Variants in AGO3 observed in about 807,000 individuals in gnomAD.
The protein encoded by AGO3 is argonaute RISC catalytic component 3.
A neutral mutation model predicts 105.5 loss-of-function variants in AGO3; 16 were observed. The observed-to-expected ratio is 0.15, with a 90% CI of 0.10 to 0.23. AGO3 has a LOEUF of 0.23. Among genes scored for constraint, AGO3 ranks in the 10% least tolerant of loss-of-function variants. The pLI, the probability that AGO3 is intolerant of heterozygous loss-of-function variation, is 1.00. For missense variants in AGO3, 534 were observed against 1,088.0 expected, an observed-to-expected ratio of 0.49 and a Z score of 7.16; for synonymous variants, 340 against 367.3, an observed-to-expected ratio of 0.93 and a Z score of 0.85.
chr1:36,022,945 C>CA (rs370799633), intron 11 of AGO3, among the ~76,000 whole-genome samples: 6,459 of 65,950 alleles, frequency 0.098, 499 homozygotes, highest in African/African-American at 0.23. Flanking sequence ...AAAAAAAAAA[C>CA]AAAAAAAAAA....
At chr1:36,020,000 G>T (rs1190543671) in intron 11 of AGO3, among the ~76,000 whole-genome samples, 7 of 152,142 alleles carry the variant, frequency 4.6e-5, no homozygotes, top group African/African-American at 1.7e-4. Context: ...TAAAACTCCT[G>T]ACCTCAGGTG....
chr1:35,973,362 T>C lies in AGO3; in HGVS notation c.522-13T>C. The stretch of plus-strand genomic sequence containing the variant: ...GAAGGAAAGGATTGAACATGCCATT[T>C]TAATTTTTGTAGATACACACCTGTG... On this transcript the variant is annotated splice_polypyrimidine_tract_variant and intron_variant, in intron 4 of 18. Transcript: ENST00000373191. 2 of 1,479,874 alleles carry C rather than the reference T, an allele frequency of 1.4e-6. No homozygotes were observed. The highest frequency in any genetic ancestry group is 9.1e-7 in the Non-Finnish European group (1 of 1,102,868). 91.7% of individuals were successfully genotyped at this position (1,479,874 alleles called of 1,614,324 possible).
At chr1:35,943,155 A>G (rs1646288622) in intron 1 of AGO3, among the ~76,000 whole-genome samples, 1 of 151,834 alleles carries the variant, frequency 6.6e-6, no homozygotes, top group Non-Finnish European at 1.5e-5. Flanking sequence ...AGGTGCACAC[A>G]ACCACACCCA....
chr1:36,026,218 C>T (rs1265609272), intron 11 of AGO3, among the ~76,000 whole-genome samples: 19 of 152,082 alleles, frequency 1.2e-4, no homozygotes, highest in Admixed American at 1.2e-3. Flanking sequence ...AAGTGATTCT[C>T]CTGCCTCAGC....
chr1:35,956,435 A>G (rs962352654), intron 2 of AGO3, among the ~76,000 whole-genome samples: 17 of 152,262 alleles, frequency 1.1e-4, no homozygotes, highest in Admixed American at 4.6e-4. Flanking sequence ...GTCAAAATGG[A>G]GATTGTGATT....
At chr1:36,040,080 C>T in intron 15 of AGO3, 96 bp downstream of exon 15, 5 of 1,342,336 alleles carry the variant, frequency 3.7e-6, no homozygotes, top group South Asian at 1.5e-5. Flanking sequence ...TGTTAGAGTT[C>T]CCCAAGTCAA....
intron 5 of AGO3, among the ~76,000 whole-genome samples, chr1:35,985,485 A>G (rs1647152417): frequency 6.6e-6 from 1 of 152,272 alleles, no homozygotes; most frequent in South Asian, 2.1e-4. Flanking sequence ...TTAATGAAGC[A>G]GAGTCTAGAA....
intron 2 of AGO3, among the ~76,000 whole-genome samples, chr1:35,963,021 G>A (rs771018295): frequency 2.0e-5 from 3 of 152,182 alleles, no homozygotes; most frequent in Admixed American, 6.5e-5. Flanking sequence ...TTGGCTGGAC[G>A]CAGGGAAATA....
chr1:35,984,335 C>T (rs989678999), intron 5 of AGO3: 2 of 151,910 alleles, frequency 1.3e-5, no homozygotes. Flanking sequence ...ACCCCTATCT[C>T]TAAAAAAAGA....
At chr1:36,010,324 C>G (rs12044076) in intron 9 of AGO3, among the ~76,000 whole-genome samples, 1 of 152,010 alleles carries the variant, frequency 6.6e-6, no homozygotes, top group Non-Finnish European at 1.5e-5. Context: ...AAAGAAATGG[C>G]TGGGCTCAGT....
At chr1:36,044,928 T>C (rs903874099) in intron 17 of AGO3, among the ~76,000 whole-genome samples, 1 of 152,234 alleles carries the variant, frequency 6.6e-6, no homozygotes, top group Non-Finnish European at 1.5e-5. Context: ...TATTTTAGGT[T>C]ACTTGCCATT....
At chr1:35,978,048 C>A (rs1004107800) in intron 5 of AGO3, among the ~76,000 whole-genome samples, 4 of 151,994 alleles carry the variant, frequency 2.6e-5, no homozygotes, top group African/African-American at 9.7e-5. Flanking sequence ...CATAGTCTTC[C>A]CAATTAATGA....
chr1:35,986,285 G>T (rs960952858), intron 5 of AGO3, among the ~76,000 whole-genome samples: 1 of 152,232 alleles, frequency 6.6e-6, no homozygotes, highest in African/African-American at 2.4e-5. Flanking sequence ...CTAAATTCCT[G>T]TCAGTAGCAG....
rs12040448 is a variant in AGO3 at position 35,941,010 on chromosome 1, C to A, written c.20-4682C>A. ...ATTTACACCTCCAGCCTGGACCTCTCCTCTGAACTCCACACTCATCTAACT... is the reference window on the plus strand; with the variant it reads ...ATTTACACCTCCAGCCTGGACCTCTACTCTGAACTCCACACTCATCTAACT... On this transcript the variant is annotated intron_variant, in intron 1 of 18. Transcript: ENST00000373191. 2.5e-3 allele frequency among the ~76,000 whole-genome samples: 382 copies of A among 152,272 alleles called. 3 individuals carry two copies. The highest frequency in any genetic ancestry group is 0.012 in the East Asian group (63 of 5,182).
intron 16 of AGO3, among the ~76,000 whole-genome samples, chr1:36,042,700 G>A (rs971932559): frequency 6.6e-6 from 1 of 152,092 alleles, no homozygotes; most frequent in African/African-American, 2.4e-5. Flanking sequence ...ATTTTTAAGT[G>A]TTTTATAAGG....
At chr1:36,049,386 C>T (rs1642607112) in intron 17 of AGO3, among the ~76,000 whole-genome samples, 1 of 151,902 alleles carries the variant, frequency 6.6e-6, no homozygotes, top group African/African-American at 2.4e-5. Flanking sequence ...GGCATGGTGG[C>T]ACGCACCTGT....
rs550295715 is a variant in AGO3, at chr1:35,976,154, C to T, written c.658+2643C>T. 1.5e-3 allele frequency among the ~76,000 whole-genome samples: 227 copies of T among 152,134 alleles called. 1 individual carries two copies. Among genetic ancestry groups the T allele is most frequent in the African/African-American group, 5.2e-3 (217 of 41,526 alleles). ...TTCACCATGTTGGTCAGGCTGGTCTCGAACTCCTGATTTCAGGTGGTCCAC... is the reference window on the plus strand; with the variant it reads ...TTCACCATGTTGGTCAGGCTGGTCTTGAACTCCTGATTTCAGGTGGTCCAC... On this transcript the variant is annotated intron_variant, in intron 5 of 18. Transcript: ENST00000373191.
chr1:36,003,709 A>AAAAAATATATATATATAT (rs1295618675), intron 5 of AGO3, among the ~76,000 whole-genome samples: 3 of 99,434 alleles, frequency 3.0e-5, no homozygotes, highest in Non-Finnish European at 5.8e-5. Flanking sequence ...AAAAAAAAAA[A>AAAAAATATATATATATAT]ATATATATAT....
chr1:35,995,179 C>T lies in AGO3; in HGVS notation c.659-9162C>T, dbSNP rs527803366. Among the ~76,000 whole-genome samples the T allele has an allele frequency of 5.2e-5, 7 of 133,976 alleles. No individual in the cohort carries two copies. The East Asian group carries it at 1.3e-3, about 25-fold the overall frequency. 87.9% of individuals were successfully genotyped at this position (133,976 alleles called of 152,430 possible). A position where few individuals can be genotyped will look rare whatever the true frequency, so the allele number is the denominator to read the frequency against. On this transcript the variant is annotated intron_variant, in intron 5 of 18. Transcript: ENST00000373191. The stretch of plus-strand genomic sequence containing the variant: ...TATCACCACTGCACTCCAGCCTGGG[C>T]AACAGAGCAAGACACTGTCTAAAAA...
Sources: allele counts gnomAD v4.1 joint callset (sites outside exome capture counted in the v4.1 genomes callset), GRCh38; gene constraint gnomAD v4.1.1; transcripts MANE v1.5; gene names NCBI Gene and HGNC (gene_info 2026-07-23, HGNC 2026-07-21).